Variants in EXT1 observed in about 807,000 individuals in gnomAD.
The protein encoded by EXT1 is exostosin glycosyltransferase 1, also known as exostosin-1.
Under a neutral mutation model 82.5 loss-of-function variants are expected in EXT1, and 20 were observed. The ratio of observed to expected loss-of-function variants is 0.24; its 90% confidence interval spans 0.17 to 0.35. The LOEUF (loss-of-function observed/expected upper bound fraction) is 0.35, where lower values mean the gene tolerates loss of function less well. Ranked by LOEUF, EXT1 falls within the 10% of genes least tolerant of loss-of-function variation. The pLI, the probability that EXT1 is intolerant of heterozygous loss-of-function variation, is 1.00. For synonymous variants in EXT1, 348 were observed against 350.8 expected, an observed-to-expected ratio of 0.99 and a Z score of 0.09; for missense variants, 757 against 936.5, an observed-to-expected ratio of 0.81 and a Z score of 2.50.
At chr8:118,032,559 G>A (rs1375118279) in intron 1 of EXT1, among the ~76,000 whole-genome samples, 1 of 148,464 alleles carries the variant, frequency 6.7e-6, no homozygotes, top group African/African-American at 2.5e-5. Flanking sequence ...TGCCCAGGCT[G>A]GAGTGCAATG....
At chr8:118,049,230 T>C (rs555314237) in intron 1 of EXT1, among the ~76,000 whole-genome samples, 18 of 152,230 alleles carry the variant, frequency 1.2e-4, no homozygotes, top group Non-Finnish European at 2.4e-4. Flanking sequence ...CATTCATGGA[T>C]TTGTGCAAAA....
chr8:117,898,962 T>C (rs1813393829), intron 1 of EXT1, among the ~76,000 whole-genome samples: 1 of 152,146 alleles, frequency 6.6e-6, no homozygotes, highest in Non-Finnish European at 1.5e-5. Context: ...AAATGCTTCC[T>C]TTTTTTACCC....
rs905386396 is a variant in EXT1 at position 117,797,939 on chromosome 8, C to G, written c.*1773G>C. The stretch of plus-strand genomic sequence containing the variant: ...TGAATTTCACTGTCTACGCACCTCT[C>G]AAAACACCATCTGGATATGTGGGCT... On this transcript the variant is annotated 3_prime_UTR_variant, in exon 11 of 11. Transcript: ENST00000378204. The G allele has an allele frequency of 6.6e-6, 1 of 152,214 alleles. No individual in the cohort carries two copies. The highest frequency in any genetic ancestry group is 2.1e-4 in the South Asian group (1 of 4,828). The allele number at this position is 152,214 out of a possible 1,614,324, so 9.4% of individuals were successfully genotyped here.
intron 1 of EXT1, among the ~76,000 whole-genome samples, chr8:117,957,472 G>A (rs1046594399): frequency 6.6e-6 from 1 of 152,190 alleles, no homozygotes; most frequent in African/African-American, 2.4e-5. Context: ...ACAGGCTGCA[G>A]GTCTTACGGA....
intron 1 of EXT1, among the ~76,000 whole-genome samples, chr8:117,917,244 C>T (rs1293584994): frequency 2.6e-5 from 4 of 152,088 alleles, no homozygotes; most frequent in Non-Finnish European, 4.4e-5. Flanking sequence ...GAGGCCGAGG[C>T]GGGCGGATCA....
At chr8:118,018,761 G>A (rs1487766651) in intron 1 of EXT1, among the ~76,000 whole-genome samples, 3 of 152,076 alleles carry the variant, frequency 2.0e-5, no homozygotes, top group African/African-American at 7.2e-5. Flanking sequence ...ACAGGACTGG[G>A]GAAATTCTGA....
At chr8:117,924,293 G>A (rs1813915143) in intron 1 of EXT1, among the ~76,000 whole-genome samples, 1 of 152,174 alleles carries the variant, frequency 6.6e-6, no homozygotes, top group African/African-American at 2.4e-5. Flanking sequence ...CTGGTCTAGA[G>A]TTCACATACA....
intron 1 of EXT1, among the ~76,000 whole-genome samples, chr8:117,923,924 G>A (rs1813907358): frequency 6.6e-6 from 1 of 152,142 alleles, no homozygotes; most frequent in African/African-American, 2.4e-5. Context: ...TAGTAAGAGT[G>A]AGAAGGAAAA....
intron 1 of EXT1, among the ~76,000 whole-genome samples, chr8:117,908,207 T>C (rs1813577474): frequency 6.6e-6 from 1 of 152,182 alleles, no homozygotes; most frequent in African/African-American, 2.4e-5. Flanking sequence ...GGGGATGATA[T>C]ATGTTCCCTC....
chr8:117,812,880 T>C lies in EXT1; in HGVS notation c.1714A>G (p.Thr572Ala). 6.2e-7 allele frequency: 1 copy of C among 1,614,004 alleles called. No homozygotes were observed. The highest frequency in any genetic ancestry group is 8.5e-7 in the Non-Finnish European group (1 of 1,179,994). ...CAGGCATGGGTTCTTACCTCTGTTG[T>C]TGAAAGCACCGTGTCCTCGTCAAGG... is the stretch of plus-strand genomic sequence containing the variant. ...LSLDEDTVLS[T>A]TEVDFAFTVW... Residue 572 changes from threonine to alanine, a missense_variant, in exon 8 of 11, where the codon ACA becomes GCA. By Grantham distance (58) the Thr-to-Ala change is moderately conservative. This residue lies in a region of EXT1 where 207 missense variants were observed against 224.2 expected (regional missense o/e 0.92). Transcript: ENST00000378204.
At chr8:117,994,225 C>A (rs1815491535) in intron 1 of EXT1, among the ~76,000 whole-genome samples, 1 of 152,158 alleles carries the variant, frequency 6.6e-6, no homozygotes, top group Admixed American at 6.5e-5. Context: ...ACGTCATCAT[C>A]ATAAGAAGTT....
chr8:117,914,954 C>T (rs1196645999), intron 1 of EXT1, among the ~76,000 whole-genome samples: 2 of 152,070 alleles, frequency 1.3e-5, no homozygotes, highest in Non-Finnish European at 2.9e-5. Flanking sequence ...CTGCTTTTTG[C>T]CCTTTGAAGC....
chr8:117,905,886 G>A (rs1040334029), intron 1 of EXT1, among the ~76,000 whole-genome samples: 13 of 152,248 alleles, frequency 8.5e-5, no homozygotes, highest in South Asian at 2.1e-4. Flanking sequence ...AATCTCGAAC[G>A]GAGTCAGAAG....
chr8:118,106,175 A>T lies in EXT1; in HGVS notation c.962+3910T>A, dbSNP rs962564235. Reference sequence around the variant, plus strand: ...TGTACATGCTTTTATTTATTTACTTATCATTTATTTTTGCAAAGGTTGTCC... The same window carrying T: ...TGTACATGCTTTTATTTATTTACTTTTCATTTATTTTTGCAAAGGTTGTCC... On this transcript the variant is annotated intron_variant, in intron 1 of 10. Transcript: ENST00000378204. Among the ~76,000 whole-genome samples, 3 of 152,320 alleles carry T rather than the reference A, an allele frequency of 2.0e-5. No homozygotes were observed. The East Asian group carries it at 5.8e-4, about 29-fold the overall frequency.
chr8:118,035,289 C>T (rs1479662582), intron 1 of EXT1, among the ~76,000 whole-genome samples: 1 of 152,102 alleles, frequency 6.6e-6, no homozygotes, highest in East Asian at 1.9e-4. Context: ...TCTCCAGAGT[C>T]GGTGTGCGGT....
intron 1 of EXT1, among the ~76,000 whole-genome samples, chr8:118,033,221 GTGAGT>G (rs1400840464): frequency 1.1e-4 from 17 of 152,158 alleles, no homozygotes; most frequent in African/African-American, 3.4e-4. Flanking sequence ...TTTGTTGTTT[GTGAGT>G]TAAGTACTGT....
At chr8:117,820,593 C>T (rs1811906775) in intron 5 of EXT1, among the ~76,000 whole-genome samples, 1 of 151,666 alleles carries the variant, frequency 6.6e-6, no homozygotes, top group African/African-American at 2.4e-5. Context: ...GAGGCTGAAG[C>T]AGGAGAATTG....
chr8:118,044,645 G>A (rs1018132721), intron 1 of EXT1, among the ~76,000 whole-genome samples: 1 of 152,130 alleles, frequency 6.6e-6, no homozygotes, highest in Non-Finnish European at 1.5e-5. Flanking sequence ...AACCTCAGGT[G>A]ATCTGCCTGC....
intron 4 of EXT1, among the ~76,000 whole-genome samples, chr8:117,828,750 C>T (rs953308892): frequency 6.6e-6 from 1 of 152,062 alleles, no homozygotes. Context: ...TGATCCTGTC[C>T]CCTTCATGGG....
Sources: gnomAD v4.1 joint callset for allele counts (sites outside exome capture counted in the v4.1 genomes callset) on GRCh38, gnomAD v4.1.1 for gene constraint, gnomAD v4.1.1 regional missense constraint, MANE v1.5 for transcripts, NCBI Gene and HGNC (gene_info 2026-07-23, HGNC 2026-07-21) for gene names.